Variants in CSMD1 observed in about 807,000 individuals in gnomAD.
The protein encoded by CSMD1 is CUB and sushi domain-containing protein 1.
A neutral mutation model predicts 417.5 loss-of-function variants in CSMD1; 213 were observed. The observed-to-expected ratio is 0.51, with a 90% CI of 0.46 to 0.57. CSMD1 has a LOEUF of 0.57. CSMD1 is among the 20% of genes least tolerant of loss of function. The pLI is 0.00. For missense variants in CSMD1, 6,923 were observed against 4,529.7 expected, an observed-to-expected ratio of 1.53 and a Z score of -15.17; for synonymous variants, 2,862 against 1,736.8, an observed-to-expected ratio of 1.65 and a Z score of -16.11.
At chr8:4,819,069 A>C (rs2117375775) in intron 1 of CSMD1, among the ~76,000 whole-genome samples, 1 of 152,344 alleles carries the variant, frequency 6.6e-6, no homozygotes, top group Middle Eastern at 3.4e-3. Flanking sequence ...AGAGCAGCTC[A>C]GCAACAACAG....
chr8:4,599,810 G>A (rs1052669492), intron 2 of CSMD1, among the ~76,000 whole-genome samples: 1 of 152,160 alleles, frequency 6.6e-6, no homozygotes, highest in Non-Finnish European at 1.5e-5. Flanking sequence ...ATTTCCTAGT[G>A]TTTATCACAA....
chr8:4,620,071 A>G (rs2130812244), intron 2 of CSMD1, among the ~76,000 whole-genome samples: 1 of 152,152 alleles, frequency 6.6e-6, no homozygotes, highest in South Asian at 2.1e-4. Context: ...TATTAACACA[A>G]TAAATACTGC....
At chr8:4,059,987 C>T (rs1032644843) in intron 3 of CSMD1, among the ~76,000 whole-genome samples, 1 of 152,092 alleles carries the variant, frequency 6.6e-6, no homozygotes, top group South Asian at 2.1e-4. Flanking sequence ...AGAGACACAG[C>T]CAAAAAAGAG....
chr8:4,420,291 T>C (rs1183657928), intron 2 of CSMD1, among the ~76,000 whole-genome samples: 1 of 152,184 alleles, frequency 6.6e-6, no homozygotes, highest in East Asian at 1.9e-4. Context: ...GAATTTCTTC[T>C]TGAAAATACT....
At chr8:3,889,906 C>G (rs2627342) in intron 5 of CSMD1, among the ~76,000 whole-genome samples, 3 of 151,928 alleles carry the variant, frequency 2.0e-5, no homozygotes, top group Non-Finnish European at 1.5e-5. Flanking sequence ...TTCTGAGTTG[C>G]GCATAATGCC....
At chr8:4,765,269 A>G (rs918368631) in intron 1 of CSMD1, among the ~76,000 whole-genome samples, 4 of 152,222 alleles carry the variant, frequency 2.6e-5, no homozygotes, top group African/African-American at 7.2e-5. Context: ...TGTGCCACAC[A>G]AAGAGTTTAG....
chr8:3,138,715 A>C (rs1042453883), intron 41 of CSMD1, among the ~76,000 whole-genome samples: 2 of 152,202 alleles, frequency 1.3e-5, no homozygotes, highest in Non-Finnish European at 2.9e-5. Context: ...GGTAGAAAGG[A>C]CTGTGGCTGC....
chr8:4,431,463 G>A (rs1283689168), intron 2 of CSMD1, among the ~76,000 whole-genome samples: 5 of 152,058 alleles, frequency 3.3e-5, no homozygotes, highest in African/African-American at 4.8e-5. Flanking sequence ...CAGGAGAGGA[G>A]GGCAGAGAGA....
chr8:3,178,569 T>C (rs1821085725), intron 37 of CSMD1, among the ~76,000 whole-genome samples: 1 of 152,168 alleles, frequency 6.6e-6, no homozygotes, highest in Admixed American at 6.5e-5. Flanking sequence ...CCATCTGTTA[T>C]TAACAGTGTG....
At chr8:3,848,212 G>A (rs1342662803) in intron 5 of CSMD1, among the ~76,000 whole-genome samples, 1 of 152,136 alleles carries the variant, frequency 6.6e-6, no homozygotes, top group Non-Finnish European at 1.5e-5. Context: ...ATCAGAAGTT[G>A]TCAGGACATT....
intron 5 of CSMD1, among the ~76,000 whole-genome samples, chr8:3,913,507 T>C (rs932428478): frequency 6.6e-6 from 1 of 151,992 alleles, no homozygotes; most frequent in African/African-American, 2.4e-5. Flanking sequence ...TGAACAAAAA[T>C]GTGTTTCAGA....
chr8:4,872,662 T>G (rs991344599), intron 1 of CSMD1, among the ~76,000 whole-genome samples: 1 of 152,066 alleles, frequency 6.6e-6, no homozygotes, highest in African/African-American at 2.4e-5. Context: ...CCTCAGAAAT[T>G]GCGAGAGTAG....
chr8:4,058,885 A>C (rs577499479), intron 3 of CSMD1, among the ~76,000 whole-genome samples: 166 of 147,730 alleles, frequency 1.1e-3, no homozygotes, highest in Non-Finnish European at 1.7e-3. Flanking sequence ...CAGATCAACG[A>C]GAGAGAAAGT....
chr8:4,908,423 A>G (rs1461163773), intron 1 of CSMD1, among the ~76,000 whole-genome samples: 1 of 152,198 alleles, frequency 6.6e-6, no homozygotes, highest in Non-Finnish European at 1.5e-5. Flanking sequence ...AGCTCCCAGT[A>G]TATTCCTCAA....
Position 4,146,514 on chromosome 8 carries a change from G to C in CSMD1, c.416-114415C>G, listed in dbSNP as rs1275607982. ...TTCCTCAGACGTTGTGATGTGCACA[G>C]TGTGTGTTCTCTGGTTAAAACACCA... On this transcript the variant is annotated intron_variant, in intron 3 of 69. Coordinates refer to ENST00000635120, the MANE Select transcript of CSMD1 (RefSeq NM_033225.6). 6.1e-5 allele frequency among the ~76,000 whole-genome samples: 9 copies of C among 146,790 alleles called. 1 individual carries two copies. Among genetic ancestry groups the C allele is most frequent in the Middle Eastern group, 3.3e-3 (1 of 304 alleles).
intron 5 of CSMD1, among the ~76,000 whole-genome samples, chr8:3,796,804 T>G (rs143248075): frequency 1.5e-4 from 22 of 151,554 alleles, no homozygotes; most frequent in African/African-American, 4.8e-4. Flanking sequence ...CACTTCATTT[T>G]CATGGTATCA....
At chr8:3,040,193 G>C (rs903669248) in intron 50 of CSMD1, among the ~76,000 whole-genome samples, 5 of 152,014 alleles carry the variant, frequency 3.3e-5, no homozygotes, top group African/African-American at 1.2e-4. Flanking sequence ...CAAACTTTAT[G>C]TTCTGTTTAT....
chr8:4,676,452 C>T (rs149510643), intron 1 of CSMD1, among the ~76,000 whole-genome samples: 42 of 152,236 alleles, frequency 2.8e-4, no homozygotes, highest in Non-Finnish European at 5.3e-4. Context: ...AGTATGTCTT[C>T]ATTCCTATCT....
intron 5 of CSMD1, among the ~76,000 whole-genome samples, chr8:3,956,408 C>T (rs1349164113): frequency 6.6e-6 from 1 of 152,146 alleles, no homozygotes; most frequent in African/African-American, 2.4e-5. Flanking sequence ...AGAAGTCTAA[C>T]TGGAGGCATG....
Sources: gnomAD v4.1 joint callset for allele counts (sites outside exome capture counted in the v4.1 genomes callset) on GRCh38, gnomAD v4.1.1 for gene constraint, MANE v1.5 for transcripts, NCBI Gene and HGNC (gene_info 2026-07-23, HGNC 2026-07-21) for gene names.